Variants in HADHA observed in about 807,000 individuals in gnomAD.
The protein encoded by HADHA is hydroxyacyl-CoA dehydrogenase trifunctional multienzyme complex subunit alpha.
A neutral mutation model predicts 91.3 loss-of-function variants in HADHA; 59 were observed. The observed-to-expected ratio is 0.65, with a 90% confidence interval of 0.52 to 0.80. The LOEUF (loss-of-function observed/expected upper bound fraction) is 0.80. HADHA is among the 30% of genes least tolerant of loss of function. The pLI is 0.00. For missense variants in HADHA, 800 were observed against 927.6 expected, an observed-to-expected ratio of 0.86 and a Z score of 1.79; for synonymous variants, 320 against 338.9, an observed-to-expected ratio of 0.94 and a Z score of 0.61.
chr2:26,203,873 T>C (rs546049587), intron 12 of HADHA, among the ~76,000 whole-genome samples, 189 bp downstream of exon 12: 6 of 152,268 alleles, frequency 3.9e-5, no homozygotes, highest in Admixed American at 6.5e-5. Context: ...AAAGAAGGAA[T>C]TGGCATTTCT....
intron 1 of HADHA, chr2:26,243,396 G>C (rs1670962324): frequency 6.8e-6 from 1 of 146,494 alleles, no homozygotes; most frequent in African/African-American, 2.4e-5. Flanking sequence ...AAGACAATGG[G>C]TGATTCGTTT....
At chr2:26,211,234 G>A (rs548508143) in intron 10 of HADHA, among the ~76,000 whole-genome samples, 27 of 152,246 alleles carry the variant, frequency 1.8e-4, no homozygotes, top group South Asian at 2.1e-4. Flanking sequence ...TTTTCTGTAC[G>A]TATGTTTATG....
At chr2:26,220,011 A>G (rs1335529488) in intron 7 of HADHA, among the ~76,000 whole-genome samples, 1 of 152,194 alleles carries the variant, frequency 6.6e-6, no homozygotes, top group African/African-American at 2.4e-5. Context: ...TTTCCTGTTT[A>G]TCTTTCTCCT....
At position 26,214,203 on chromosome 2, in the gene HADHA, TA is replaced by T. The variant is rs1558323090; in HGVS notation, c.918+239del. ...TTCCTTTCCTGGTTTTCTGGTTTGT[TA>T]CTGATACATTTAACTGCATCAATCA... On this transcript the variant is annotated intron_variant, in intron 9 of 19. Transcript: ENST00000380649. The surrounding 1 kb of genome is among the most constrained non-coding windows in gnomAD (Gnocchi z 4.1). 2.0e-5 allele frequency among the ~76,000 whole-genome samples: 3 copies of T among 152,228 alleles called. No homozygotes were observed.
chr2:26,201,757 A>G (rs1574608233), intron 12 of HADHA, among the ~76,000 whole-genome samples: 1 of 152,108 alleles, frequency 6.6e-6, no homozygotes, highest in African/African-American at 2.4e-5. Flanking sequence ...TATCGCAAAT[A>G]TATAATTTTA....
At chr2:26,194,721 A>G (rs1669614698) in intron 15 of HADHA, 83 bp from the exon 16 acceptor site, 7 of 899,990 alleles carry the variant, frequency 7.8e-6, no homozygotes, top group Non-Finnish European at 9.3e-6. Flanking sequence ...GGGTCACTTC[A>G]AAGTCATTTG....
rs995168193 is a variant in HADHA at position 26,229,176 on chromosome 2, C to T, written c.676+1016G>A. Among the ~76,000 whole-genome samples the T allele has an allele frequency of 5.9e-5, 9 of 151,956 alleles. No individual in the cohort carries two copies. In the East Asian group the frequency reaches 1.4e-3, roughly 23 times the overall value. ...AAAACAGAGTGAGATCTCGTTTCTA[C>T]AAAAAATAAAAAATTAGCTGGTGTA... On this transcript the variant is annotated intron_variant, in intron 7 of 19. Coordinates refer to ENST00000380649, the MANE Select transcript of HADHA (RefSeq NM_000182.5). This position sits in a 1 kb window ranked among gnomAD's most constrained non-coding sequence, Gnocchi z 4.3.
At position 26,192,341 on chromosome 2, in the gene HADHA, C is replaced by A. The variant is rs374174659; in HGVS notation, c.1969G>T (p.Ala657Ser). The A allele has an allele frequency of 8.1e-6, 13 of 1,604,824 alleles. No individual in the cohort carries two copies. The highest frequency in any genetic ancestry group is 1.7e-4 in the Middle Eastern group (1 of 6,034). ...GACTTAGGAGGCAGCTTCAGACTCGCTAAAATACTATCCATGTCAGAATTC... is the reference window on the plus strand; with the variant it reads ...GACTTAGGAGGCAGCTTCAGACTCGATAAAATACTATCCATGTCAGAATTC... ...DLNSDMDSIL[A>S]SLKLPPKSEV... The change falls in exon 18 of 20, where the codon GCG (alanine) becomes TCG (serine). Residue 657 changes from alanine (A) to serine (S), a missense_variant. Coordinates refer to ENST00000380649, the MANE Select transcript of HADHA (RefSeq NM_000182.5).
At position 26,193,293 on chromosome 2, in the gene HADHA, C is replaced by CT. The variant is rs370942158; in HGVS notation, c.1885+283dup. ...AGCCCTTAGAAGGTTCACATGACAT[C>CT]TTTTTTTTTTTTTTTTTTTGAGAAG... On this transcript the variant is annotated intron_variant, in intron 17 of 19. Transcript: ENST00000380649. Among the ~76,000 whole-genome samples, 3,902 of 115,150 alleles carry CT rather than the reference C, an allele frequency of 0.034. 205 individuals are homozygous for CT. Among genetic ancestry groups the CT allele is most frequent in the African/African-American group, 0.052 (1,487 of 28,682 alleles). The allele number at this position is 115,150 out of a possible 152,430, so 75.5% of individuals were successfully genotyped here.
rs1221103378 is a variant in HADHA, at chr2:26,234,309, G to T, written c.361C>A (p.Gln121Lys). ...TTCTCAACTATTCTCTGTGCTTCTT[G>T]TGATAGCTGTGTTACTTCTTGAAGG... The part of the protein sequence containing the change: ...KTLQEVTQLS[Q>K]EAQRIVEKLE... The change falls in exon 5 of 20, where the codon CAA becomes AAA. Residue 121 changes from glutamine to lysine, a missense_variant. Physicochemically the swap from Gln to Lys is moderately conservative, Grantham distance 53. Transcript: ENST00000380649. 6.2e-7 allele frequency: 1 copy of T among 1,612,892 alleles called. No homozygotes were observed. Among genetic ancestry groups the T allele is most frequent in the Admixed American group, 1.7e-5 (1 of 60,022 alleles).
intron 9 of HADHA, among the ~76,000 whole-genome samples, chr2:26,212,935 ACT>A (rs767686425): frequency 1.3e-5 from 2 of 151,996 alleles, no homozygotes; most frequent in Non-Finnish European, 1.5e-5. Context: ...AGCCCTTTTC[ACT>A]CTCTACACTT....
intron 10 of HADHA, among the ~76,000 whole-genome samples, chr2:26,211,205 G>C (rs568483588): frequency 5.3e-5 from 8 of 152,282 alleles, no homozygotes; most frequent in Non-Finnish European, 1.2e-4. Flanking sequence ...TTACTGATTC[G>C]TGAAACTTAT....
At chr2:26,222,245 C>G (rs927817876) in intron 7 of HADHA, among the ~76,000 whole-genome samples, 1 of 152,162 alleles carries the variant, frequency 6.6e-6, no homozygotes, top group African/African-American at 2.4e-5. Flanking sequence ...AAGAGAGATG[C>G]CTCAGAAGAA....
At chr2:26,236,359 G>GTGTGTATATATATA (rs141555532) in intron 4 of HADHA, among the ~76,000 whole-genome samples, 1 of 137,872 alleles carries the variant, frequency 7.3e-6, no homozygotes, top group African/African-American at 2.7e-5. Context: ...GTGTGTGTGT[G>GTGTGTATATATATA]TATATATATA....
In HADHA at chr2:26,191,130, AACC is replaced by A. The variant is rs958103194; in HGVS notation, c.*117_*119del. 9.9e-7 allele frequency: 1 copy of A among 1,005,856 alleles called. No homozygotes were observed. The highest frequency in any genetic ancestry group is 1.5e-6 in the Non-Finnish European group (1 of 648,962). The allele number at this position is 1,005,856 out of a possible 1,614,324, so 62.3% of individuals were successfully genotyped here. On this transcript the variant is annotated 3_prime_UTR_variant, in exon 20 of 20. Coordinates refer to ENST00000380649, the MANE Select transcript of HADHA (RefSeq NM_000182.5). ...CTGAAGGCACTTTAATCAGGGAGCA[AACC>A]CAGTGCCGGAGTTTGTCTTCTCGTT...
intron 10 of HADHA, 54 bp downstream of exon 10, chr2:26,212,516 G>A (rs761911393): frequency 3.4e-6 from 4 of 1,173,130 alleles, no homozygotes; most frequent in Non-Finnish European, 3.9e-6. Flanking sequence ...CAGAGGATTG[G>A]ATCTTTAGTT....
intron 1 of HADHA, among the ~76,000 whole-genome samples, chr2:26,239,824 C>T (rs1217910473): frequency 2.6e-5 from 4 of 152,040 alleles, no homozygotes; most frequent in Non-Finnish European, 4.4e-5. Context: ...CCAAGCCAGC[C>T]GACTTAGTGC....
In HADHA at chr2:26,191,194, C is replaced by G; in HGVS notation, c.*56G>C. ...ATCTAGACACCACTCTGTTGGAGAA[C>G]CAGCACTGCCGGCAGCTGGGGTTAG... On this transcript the variant is annotated 3_prime_UTR_variant, in exon 20 of 20. Transcript: ENST00000380649. 1.3e-6 allele frequency: 2 copies of G among 1,556,912 alleles called. No individual in the cohort carries two copies. The highest frequency in any genetic ancestry group is 1.8e-6 in the Non-Finnish European group (2 of 1,129,620).
chr2:26,193,820 C>T (rs776121455), intron 16 of HADHA, 48 bp from the exon 17 acceptor site: 5 of 1,461,660 alleles, frequency 3.4e-6, no homozygotes, highest in Non-Finnish European at 4.8e-6. Context: ...CAGCCCAAAT[C>T]CCCCCAAAGG....
Sources: gnomAD v4.1 joint callset for allele counts (sites outside exome capture counted in the v4.1 genomes callset) on GRCh38, gnomAD v4.1.1 for gene constraint, Gnocchi (gnomAD v3.1) non-coding constraint, MANE v1.5 for transcripts, NCBI Gene and HGNC (gene_info 2026-07-23, HGNC 2026-07-21) for gene names.